The following SDHA variants were observed in gnomAD, a reference collection of about 807,000 sequenced individuals.
SDHA encodes the protein succinate dehydrogenase complex flavoprotein subunit A, also known as succinate dehydrogenase [ubiquinone] flavoprotein subunit, mitochondrial.
SDHA carries 48 observed loss-of-function variants against 78.4 expected under a neutral mutation model. That is an observed-to-expected ratio of 0.61 (90% CI 0.49 to 0.78). The LOEUF is 0.78. Among genes scored for constraint, SDHA ranks in the 30% least tolerant of loss-of-function variants. The probability of loss-of-function intolerance (pLI) is 0.00; values close to 1 mark genes in which losing one functional copy is unlikely to be tolerated. For missense variants in SDHA, 680 were observed against 892.7 expected (o/e 0.76, Z 3.04); for synonymous variants, 326 against 353.9 (o/e 0.92, Z 0.88).
intron 8 of SDHA, 77 bp from the exon 9 acceptor site, chr5:235,067 A>G: frequency 7.1e-7 from 1 of 1,404,886 alleles, no homozygotes; most frequent in Non-Finnish European, 1.0e-6. Context: ...AAACTCACAC[A>G]CTTCCAAGAT....
At chr5:223,215 G>GTT (rs1282821655) in intron 1 of SDHA, among the ~76,000 whole-genome samples, 2 of 152,204 alleles carry the variant, frequency 1.3e-5, no homozygotes, top group Non-Finnish European at 2.9e-5. Flanking sequence ...ATCTGAGTCA[G>GTT]TGAGTATCCT....
chr5:225,170 A>G (rs746539322), intron 3 of SDHA, among the ~76,000 whole-genome samples: 1 of 152,128 alleles, frequency 6.6e-6, no homozygotes, highest in Non-Finnish European at 1.5e-5. Context: ...CCCTTCCTGG[A>G]GTTCCCTGTG....
intron 6 of SDHA, 106 bp from the exon 7 acceptor site, chr5:230,770 C>T (rs1735344969): frequency 1.3e-6 from 2 of 1,491,906 alleles, no homozygotes; most frequent in Admixed American, 1.7e-5. Flanking sequence ...GTGCACAGCA[C>T]TGAGAAGACG....
chr5:239,329 A>G (rs141610070), intron 10 of SDHA, among the ~76,000 whole-genome samples: 2,518 of 151,948 alleles, frequency 0.017, 38 homozygotes, highest in Non-Finnish European at 0.02. Flanking sequence ...TTGGGAAGCC[A>G]AGGCAGGTGG....
intron 1 of SDHA, among the ~76,000 whole-genome samples, chr5:219,288 A>T (rs1311787257): frequency 6.6e-6 from 1 of 152,038 alleles, no homozygotes; most frequent in Non-Finnish European, 1.5e-5. Flanking sequence ...TGAGTGTCTG[A>T]ATGTGCCCTC....
intron 7 of SDHA, among the ~76,000 whole-genome samples, chr5:231,984 T>C (rs10052155): frequency 0.24 from 36,204 of 151,908 alleles, 6,813 homozygotes; most frequent in African/African-American, 0.52. Flanking sequence ...AGTTGAAGTC[T>C]TGAGTTTGGA....
At chr5:226,610 C>CAACAGG (rs1286570012) in intron 5 of SDHA, among the ~76,000 whole-genome samples, 2 of 151,908 alleles carry the variant, frequency 1.3e-5, no homozygotes, top group Non-Finnish European at 2.9e-5. Context: ...CCAGCCTGGG[C>CAACAGG]AACAGGAGAC....
At chr5:259,277 C>G (rs1405758990), downstream of SDHA, among the ~76,000 whole-genome samples, 2 of 48,844 alleles carry the variant, frequency 4.1e-5, no homozygotes, top group African/African-American at 1.4e-4. Context: ...CTCCGCCTCC[C>G]GCCAGAGCAT....
chr5:241,025 G>A (rs575415164), intron 11 of SDHA, among the ~76,000 whole-genome samples: 3 of 152,092 alleles, frequency 2.0e-5, no homozygotes, highest in Admixed American at 2.0e-4. Flanking sequence ...GCGGTAGGAC[G>A]TACTCCTCAC....
In SDHA at chr5:235,128, T is replaced by G. The variant is rs765268601; in HGVS notation, c.1065-16T>G. The G allele has an allele frequency of 1.2e-6, 2 of 1,613,002 alleles. No individual in the cohort carries two copies. The highest frequency in any genetic ancestry group is 1.7e-6 in the Non-Finnish European group (2 of 1,179,080). On this transcript the variant is annotated splice_polypyrimidine_tract_variant and intron_variant, in intron 8 of 14. Coordinates refer to ENST00000264932, the MANE Select transcript of SDHA (RefSeq NM_004168.4). ...TGCCGTTCTCTGCCGTATGTGATGG[T>G]GTTCTGTCTTACCAGAGGCTGTGGC... is the stretch of plus-strand genomic sequence containing the variant.
intron 10 of SDHA, among the ~76,000 whole-genome samples, chr5:238,845 C>T (rs1214049584): frequency 6.6e-6 from 1 of 151,730 alleles, no homozygotes; most frequent in Non-Finnish European, 1.5e-5. Context: ...TATGTAGTCC[C>T]AGCTACTTGG....
At chr5:248,634 T>C (rs1736621020) in intron 11 of SDHA, among the ~76,000 whole-genome samples, 1 of 152,136 alleles carries the variant, frequency 6.6e-6, no homozygotes, top group Admixed American at 6.5e-5. Context: ...CAAAAACCTA[T>C]CTGTAAACAG....
intron 6 of SDHA, among the ~76,000 whole-genome samples, chr5:230,258 T>C (rs1735310643): frequency 6.6e-6 from 1 of 152,164 alleles, no homozygotes; most frequent in South Asian, 2.1e-4. Flanking sequence ...AAAAAATCCA[T>C]AAAAATTTTA....
Position 256,822 on chromosome 5 carries a change from T to TA in SDHA, c.*402_*403insA. On this transcript the variant is annotated 3_prime_UTR_variant, in exon 15 of 15. Coordinates refer to ENST00000264932, the MANE Select transcript of SDHA (RefSeq NM_004168.4). ...TTTTGTATAGTTTCTTTTTTCTTTT[T>TA]CTTTTCTTTTTTTTTTTTGAGACAG... is the stretch of plus-strand genomic sequence containing the variant. The TA allele has an allele frequency of 4.0e-6, 1 of 252,012 alleles. No individual in the cohort carries two copies. Among genetic ancestry groups the TA allele is most frequent in the Non-Finnish European group, 7.2e-6 (1 of 138,098 alleles). The allele number at this position is 252,012 out of a possible 1,614,324, so 15.6% of individuals were successfully genotyped here.
rs763680697 is a variant in SDHA, at chr5:218,354, A to G, written c.-2A>G. 3.4e-6 allele frequency: 5 copies of G among 1,458,956 alleles called. No individual in the cohort carries two copies. Among genetic ancestry groups the G allele is most frequent in the Non-Finnish European group, 4.5e-6 (5 of 1,114,724 alleles). 90.4% of individuals were successfully genotyped at this position (1,458,956 alleles called of 1,614,324 possible). On this transcript the variant is annotated 5_prime_UTR_variant, in exon 1 of 15. Transcript: ENST00000264932. ...CGGGACTGCGCGGCGGCAACAGCAG[A>G]CATGTCGGGGGTCCGGGGCCTGTCG...
At chr5:255,139 A>AG (rs35021524) in intron 14 of SDHA, among the ~76,000 whole-genome samples, 1 of 130,942 alleles carries the variant, frequency 7.6e-6, no homozygotes, top group Non-Finnish European at 1.6e-5. Flanking sequence ...AGGGTGTGGT[A>AG]GGGGGGTCGC....
intron 11 of SDHA, among the ~76,000 whole-genome samples, chr5:243,827 A>C (rs1446204563): frequency 6.6e-6 from 1 of 152,326 alleles, no homozygotes. Context: ...GGTACTCTGC[A>C]TAAAGCGACT....
At chr5:223,135 G>A (rs925845599) in intron 1 of SDHA, among the ~76,000 whole-genome samples, 1 of 152,162 alleles carries the variant, frequency 6.6e-6, no homozygotes, top group South Asian at 2.1e-4. Context: ...CAATATACAC[G>A]TCTTTCCCCT....
downstream of SDHA, among the ~76,000 whole-genome samples, chr5:258,016 C>T (rs1452055707): frequency 4.4e-5 from 1 of 22,706 alleles, no homozygotes; most frequent in South Asian, 1.7e-3. Flanking sequence ...GAGCTCCACC[C>T]CCTGCCAGAG....
Sources: gnomAD v4.1 joint callset for allele counts (sites outside exome capture counted in the v4.1 genomes callset) on GRCh38, gnomAD v4.1.1 for gene constraint, MANE v1.5 for transcripts, NCBI Gene and HGNC (gene_info 2026-07-23, HGNC 2026-07-21) for gene names.